KALRN: variants seen among roughly 807,000 people sequenced by gnomAD.
KALRN encodes the protein kalirin RhoGEF kinase.
A neutral mutation model predicts 353.7 loss-of-function variants in KALRN; 70 were observed. The ratio of observed to expected loss-of-function variants is 0.20; its 90% CI spans 0.16 to 0.24. The LOEUF is 0.24. Ranked by LOEUF, KALRN falls within the 10% of genes least tolerant of loss-of-function variation. KALRN has a pLI of 1.00. For missense variants in KALRN, 2,791 were observed against 3,756.7 expected (o/e 0.74, Z 6.72); for synonymous variants, 1,391 against 1,434.8 (o/e 0.97, Z 0.69).
intron 34 of KALRN, among the ~76,000 whole-genome samples, chr3:124,620,172 C>T (rs886354628): frequency 6.6e-6 from 1 of 152,158 alleles, no homozygotes; most frequent in African/African-American, 2.4e-5. Flanking sequence ...GGAATCACAG[C>T]TCACTGCAGC....
chr3:124,124,738 T>C (rs2064431624), intron 1 of KALRN, among the ~76,000 whole-genome samples: 1 of 152,204 alleles, frequency 6.6e-6, no homozygotes, highest in Non-Finnish European at 1.5e-5. Flanking sequence ...CCTCCACCGG[T>C]AAAAAGATAA....
intron 10 of KALRN, among the ~76,000 whole-genome samples, chr3:124,363,158 C>T (rs895211740): frequency 1.3e-5 from 2 of 152,128 alleles, no homozygotes; most frequent in African/African-American, 4.8e-5. Flanking sequence ...CAAGAAACTA[C>T]ATTTTATCAT....
At chr3:124,604,502 A>G (rs111936491) in intron 34 of KALRN, among the ~76,000 whole-genome samples, 4 of 152,298 alleles carry the variant, frequency 2.6e-5, no homozygotes, top group African/African-American at 7.2e-5. Context: ...TGGGAAACGA[A>G]GGTTGGAGAT....
chr3:124,268,730 C>T lies in KALRN; in HGVS notation c.457-13C>T, dbSNP rs1398043486. ...CATCACTGAGTATCCTTGTCTGTGTCTGCCCCTTCCAGACGAGCATGGTAT... is the reference window on the plus strand; with the variant it reads ...CATCACTGAGTATCCTTGTCTGTGTTTGCCCCTTCCAGACGAGCATGGTAT... On this transcript the variant is annotated splice_polypyrimidine_tract_variant and intron_variant, in intron 4 of 59. Transcript: ENST00000682506. The T allele has an allele frequency of 1.9e-6, 3 of 1,613,250 alleles. No homozygotes were observed. In the African/African-American group the frequency reaches 4.0e-5, roughly 22 times the overall value.
chr3:124,446,693 T>C lies in KALRN; in HGVS notation c.3430-70T>C. Reference sequence around the variant, plus strand: ...TAAGTTGTCCCAACAATAACCTTCATTGTAGTATGGCATGTTTTCCTACTG... The same window carrying C: ...TAAGTTGTCCCAACAATAACCTTCACTGTAGTATGGCATGTTTTCCTACTG... On this transcript the variant is annotated intron_variant, in intron 20 of 59. Transcript: ENST00000682506. 9 of 1,588,950 alleles carry C rather than the reference T, an allele frequency of 5.7e-6. No individual in the cohort carries two copies. The South Asian group carries it at 6.7e-5, about 12-fold the overall frequency.
At chr3:124,396,584 C>G (rs775697426) in intron 12 of KALRN, among the ~76,000 whole-genome samples, 1 of 152,258 alleles carries the variant, frequency 6.6e-6, no homozygotes, top group Non-Finnish European at 1.5e-5. Flanking sequence ...AAGGGGTTCA[C>G]TCTAGGAGCT....
At chr3:124,500,895 T>C (rs1310224308) in intron 33 of KALRN, among the ~76,000 whole-genome samples, 1 of 152,186 alleles carries the variant, frequency 6.6e-6, no homozygotes, top group Non-Finnish European at 1.5e-5. Context: ...TTAGAAGAAA[T>C]CTACAATTAT....
At chr3:124,124,415 GT>G (rs1329514141) in intron 1 of KALRN, among the ~76,000 whole-genome samples, 1 of 152,204 alleles carries the variant, frequency 6.6e-6, no homozygotes, top group Non-Finnish European at 1.5e-5. Context: ...AAAGAAAGTG[GT>G]TTCTTGAGAT....
At chr3:124,335,724 A>G (rs2081070840) in intron 9 of KALRN, among the ~76,000 whole-genome samples, 1 of 152,158 alleles carries the variant, frequency 6.6e-6, no homozygotes, top group Non-Finnish European at 1.5e-5. Flanking sequence ...TCGTGTTCAA[A>G]CACCTGTTTG....
chr3:124,506,149 C>T (rs1360682014), intron 33 of KALRN, among the ~76,000 whole-genome samples: 2 of 152,210 alleles, frequency 1.3e-5, no homozygotes, highest in African/African-American at 4.8e-5. Flanking sequence ...CAGGAGTGGT[C>T]AGTAGTAGTA....
Position 124,314,739 on chromosome 3 carries a change from C to T in KALRN, c.1093-11241C>T, listed in dbSNP as rs1057461417. Among the ~76,000 whole-genome samples, 4 of 152,336 alleles carry T rather than the reference C, an allele frequency of 2.6e-5. No individual in the cohort carries two copies. The East Asian group carries it at 7.7e-4, about 29-fold the overall frequency. ...TGGCAGGATTGTGGCTCACTGCAGC[C>T]TCAACCTCCAGGGCTCAAGCAGTCC... is the stretch of plus-strand genomic sequence containing the variant. On this transcript the variant is annotated intron_variant, in intron 6 of 59. Coordinates refer to ENST00000682506, the MANE Select transcript of KALRN (RefSeq NM_001388419.1).
rs1193187386 is a variant in KALRN, at chr3:124,693,793, T to C, written c.7378-11T>C. The C allele has an allele frequency of 6.5e-7, 1 of 1,547,064 alleles. No homozygotes were observed. Among genetic ancestry groups the C allele is most frequent in the South Asian group, 1.1e-5 (1 of 87,670 alleles). On this transcript the variant is annotated splice_polypyrimidine_tract_variant and intron_variant, in intron 51 of 59. Transcript: ENST00000682506. The stretch of plus-strand genomic sequence containing the variant: ...GATTCAAGCAATTTTCTGTGTCTTT[T>C]TGTTTTTCAGATCTTAAATCCAAAT...
At chr3:124,074,231 T>C (rs2060157538) in intron 1 of KALRN, among the ~76,000 whole-genome samples, 1 of 152,210 alleles carries the variant, frequency 6.6e-6, no homozygotes, top group African/African-American at 2.4e-5. Context: ...AATCCAATCA[T>C]ACTCTATTGT....
At chr3:124,389,896 C>T (rs977937527) in intron 11 of KALRN, among the ~76,000 whole-genome samples, 1 of 152,010 alleles carries the variant, frequency 6.6e-6, no homozygotes, top group Non-Finnish European at 1.5e-5. Context: ...CAGGAACAAT[C>T]CAATAAATGT....
chr3:124,271,570 A>G (rs188519222), intron 5 of KALRN, among the ~76,000 whole-genome samples: 140 of 152,314 alleles, frequency 9.2e-4, no homozygotes, highest in Non-Finnish European at 1.2e-4. Flanking sequence ...AGAGAGGTGA[A>G]GTGGCTGGCC....
chr3:124,284,251 C>T (rs762284659), intron 5 of KALRN, among the ~76,000 whole-genome samples: 3 of 152,188 alleles, frequency 2.0e-5, no homozygotes, highest in Non-Finnish European at 4.4e-5. Flanking sequence ...CAAATCTGAG[C>T]TATCACTCCC....
chr3:124,041,725 A>C (rs1290052929), intron 1 of KALRN, among the ~76,000 whole-genome samples: 3 of 152,210 alleles, frequency 2.0e-5, no homozygotes, highest in Non-Finnish European at 4.4e-5. Context: ...GATGCAGAGG[A>C]AAGTTCAGAG....
chr3:124,415,541 A>G (rs976307917), intron 14 of KALRN, among the ~76,000 whole-genome samples: 2 of 152,254 alleles, frequency 1.3e-5, no homozygotes, highest in African/African-American at 2.4e-5. Context: ...TGCAGTTGCT[A>G]TAGGCATTGA....
chr3:124,243,712 C>T (rs62262789), intron 3 of KALRN, among the ~76,000 whole-genome samples: 1 of 152,146 alleles, frequency 6.6e-6, no homozygotes, highest in African/African-American at 2.4e-5. Context: ...CCAGAATCCT[C>T]CCCTCTGGGA....
Sources: allele counts gnomAD v4.1 joint callset (sites outside exome capture counted in the v4.1 genomes callset), GRCh38; gene constraint gnomAD v4.1.1; transcripts MANE v1.5; gene names NCBI Gene and HGNC (gene_info 2026-07-23, HGNC 2026-07-21).